DYNC1I1: variants seen among roughly 807,000 people sequenced by gnomAD.
DYNC1I1 encodes dynein cytoplasmic 1 intermediate chain 1.
DYNC1I1 carries 43 observed loss-of-function variants against 86.6 expected under a neutral mutation model. The ratio of observed to expected loss-of-function variants is 0.50; its 90% CI spans 0.39 to 0.64. DYNC1I1 has a LOEUF of 0.64. DYNC1I1 is among the 30% of genes least tolerant of loss of function. The probability of loss-of-function intolerance (pLI) is 0.00; values close to 1 mark genes in which losing one functional copy is unlikely to be tolerated. For synonymous variants in DYNC1I1, 262 were observed against 283.7 expected (o/e 0.92, Z 0.77); for missense variants, 604 against 788.8 (o/e 0.77, Z 2.81).
intron 10 of DYNC1I1, among the ~76,000 whole-genome samples, chr7:96,015,787 G>A (rs895252576): frequency 6.6e-6 from 1 of 152,234 alleles, no homozygotes; most frequent in East Asian, 1.9e-4. Context: ...CGGTGGACAC[G>A]ACAATGGTGT....
intron 6 of DYNC1I1, among the ~76,000 whole-genome samples, chr7:95,907,670 G>A (rs78223201): frequency 0.014 from 2,198 of 151,810 alleles, 37 homozygotes; most frequent in East Asian, 0.028. Flanking sequence ...TCAGTTTCCC[G>A]TCCTCATTCT....
chr7:95,865,085 C>T (rs918961853), intron 5 of DYNC1I1, among the ~76,000 whole-genome samples: 1 of 152,128 alleles, frequency 6.6e-6, no homozygotes, highest in Non-Finnish European at 1.5e-5. Flanking sequence ...GCCTTCTAAC[C>T]GTCTCCCAAG....
intron 6 of DYNC1I1, among the ~76,000 whole-genome samples, chr7:95,945,509 C>G (rs933866640): frequency 1.3e-5 from 2 of 152,108 alleles, no homozygotes; most frequent in African/African-American, 4.8e-5. Context: ...TGTAACAGCT[C>G]TCTCATATAA....
At chr7:95,957,207 C>T (rs544059601) in intron 6 of DYNC1I1, among the ~76,000 whole-genome samples, 2 of 152,234 alleles carry the variant, frequency 1.3e-5, no homozygotes, top group East Asian at 3.9e-4. Context: ...CAGAAATTCC[C>T]CAGCACTCAT....
chr7:96,027,503 C>A (rs762778514), intron 10 of DYNC1I1, among the ~76,000 whole-genome samples: 1 of 152,114 alleles, frequency 6.6e-6, no homozygotes, highest in Non-Finnish European at 1.5e-5. Flanking sequence ...CATGGCAGAG[C>A]TGGACTGAGA....
At chr7:95,948,892 G>A (rs1015091740) in intron 6 of DYNC1I1, among the ~76,000 whole-genome samples, 5 of 152,160 alleles carry the variant, frequency 3.3e-5, no homozygotes, top group African/African-American at 1.2e-4. Flanking sequence ...TAGCAGATAG[G>A]CAGTTAGCTT....
intron 16 of DYNC1I1, among the ~76,000 whole-genome samples, chr7:96,090,809 A>G (rs1790817092): frequency 1.3e-5 from 2 of 152,188 alleles, no homozygotes; most frequent in Admixed American, 1.3e-4. Context: ...AACTGCTCTA[A>G]ATAAGTTACA....
intron 5 of DYNC1I1, among the ~76,000 whole-genome samples, chr7:95,861,098 T>C (rs1789865200): frequency 6.6e-6 from 1 of 152,108 alleles, no homozygotes; most frequent in African/African-American, 2.4e-5. Context: ...CCCTTTTGGT[T>C]TCCTGGCTTC....
intron 6 of DYNC1I1, among the ~76,000 whole-genome samples, chr7:95,950,215 G>T (rs1365575385): frequency 6.6e-6 from 1 of 152,154 alleles, no homozygotes; most frequent in African/African-American, 2.4e-5. Context: ...GCAAGGACTT[G>T]TACTGAAAGA....
rs1231249072 is a variant in DYNC1I1 at position 95,816,680 on chromosome 7, C to A, written c.314+3343C>A. Among the ~76,000 whole-genome samples, 3 of 152,038 alleles carry A rather than the reference C, an allele frequency of 2.0e-5. No individual in the cohort carries two copies. The East Asian group carries it at 5.8e-4, about 29-fold the overall frequency. ...AAAATCTTTGATATACTGTATGCAA[C>A]TGGAATCCAACATATTAAGAGGATA... On this transcript the variant is annotated intron_variant, in intron 4 of 16. Transcript: ENST00000447467.
intron 2 of DYNC1I1, among the ~76,000 whole-genome samples, chr7:95,806,388 T>C (rs548996992): frequency 6.6e-6 from 1 of 152,204 alleles, no homozygotes; most frequent in African/African-American, 2.4e-5. Flanking sequence ...CAAACTAGAC[T>C]GATGGAAGCA....
intron 10 of DYNC1I1, among the ~76,000 whole-genome samples, chr7:96,001,955 A>G (rs1794022569): frequency 6.6e-6 from 1 of 152,196 alleles, no homozygotes; most frequent in African/African-American, 2.4e-5. Flanking sequence ...TTATTGCATG[A>G]TAGTCACGTG....
intron 5 of DYNC1I1, among the ~76,000 whole-genome samples, chr7:95,853,974 C>T (rs1350867401): frequency 1.3e-5 from 2 of 152,026 alleles, no homozygotes; most frequent in Non-Finnish European, 2.9e-5. Context: ...GCTACTCCTC[C>T]CTCTTTTGGT....
At chr7:95,994,495 A>G (rs534360448) in intron 9 of DYNC1I1, among the ~76,000 whole-genome samples, 53 of 152,308 alleles carry the variant, frequency 3.5e-4, no homozygotes, top group Non-Finnish European at 5.9e-4. Context: ...TTATGTAAAC[A>G]ACACCAAAGG....
chr7:95,987,798 A>G (rs1268909952), intron 9 of DYNC1I1, among the ~76,000 whole-genome samples: 2 of 152,010 alleles, frequency 1.3e-5, no homozygotes, highest in Non-Finnish European at 2.9e-5. Context: ...TGAATTAGTA[A>G]CTCATTATTT....
At position 95,987,160 on chromosome 7, in the gene DYNC1I1, G is replaced by T; in HGVS notation, c.843+5G>T. 1.2e-6 allele frequency: 2 copies of T among 1,612,212 alleles called. No individual in the cohort carries two copies. Among genetic ancestry groups the T allele is most frequent in the Non-Finnish European group, 1.7e-6 (2 of 1,178,602 alleles). On this transcript the variant is annotated splice_donor_5th_base_variant and intron_variant, in intron 9 of 16. Transcript: ENST00000447467. ...TGTATGGACTGGTCCCTCCAGGTAA[G>T]AATTATTGCTGGGCTGGGACAAACT... is the stretch of plus-strand genomic sequence containing the variant.
chr7:95,815,935 T>A (rs1296157698), intron 4 of DYNC1I1, among the ~76,000 whole-genome samples: 4 of 152,070 alleles, frequency 2.6e-5, no homozygotes, highest in Non-Finnish European at 5.9e-5. Flanking sequence ...AACTAGTTAA[T>A]CTGCAAATTG....
intron 16 of DYNC1I1, among the ~76,000 whole-genome samples, chr7:96,095,002 G>A (rs1790959918): frequency 6.6e-6 from 1 of 152,174 alleles, no homozygotes; most frequent in African/African-American, 2.4e-5. Context: ...AGGACAAGAT[G>A]TGTTAGATTA....
intron 6 of DYNC1I1, among the ~76,000 whole-genome samples, chr7:95,954,636 C>T (rs903353291): frequency 2.7e-4 from 41 of 151,944 alleles, no homozygotes; most frequent in African/African-American, 9.9e-4. Flanking sequence ...GACAATGGGC[C>T]GGGCATGGTG....
Sources: gnomAD v4.1 joint callset for allele counts (sites outside exome capture counted in the v4.1 genomes callset) on GRCh38, gnomAD v4.1.1 for gene constraint, MANE v1.5 for transcripts, NCBI Gene and HGNC (gene_info 2026-07-23, HGNC 2026-07-21) for gene names.